The following MACROD2 variants were observed in gnomAD, a reference collection of about 807,000 sequenced individuals.
MACROD2 encodes ADP-ribose glycohydrolase MACROD2.
MACROD2 carries 36 observed loss-of-function variants against 70.4 expected under a neutral mutation model. The ratio of observed to expected loss-of-function variants is 0.51; its 90% CI spans 0.39 to 0.68. The LOEUF (loss-of-function observed/expected upper bound fraction) is 0.68, where lower values mean the gene tolerates loss of function less well. MACROD2 is among the 30% of genes least tolerant of loss of function. The probability of loss-of-function intolerance (pLI) is 0.00; values close to 1 mark genes in which losing one functional copy is unlikely to be tolerated. For synonymous variants in MACROD2, 172 were observed against 178.8 expected (o/e 0.96, Z 0.30); for missense variants, 496 against 538.4 (o/e 0.92, Z 0.78).
chr20:15,499,066 C>T (rs1358942501), intron 7 of MACROD2, among the ~76,000 whole-genome samples: 1 of 152,180 alleles, frequency 6.6e-6, no homozygotes, highest in African/African-American at 2.4e-5. Flanking sequence ...GATGACTCTG[C>T]AGGTCCAGGA....
rs757866577 is a variant in MACROD2, at chr20:14,085,611, T to A, written c.164-10T>A. The stretch of plus-strand genomic sequence containing the variant: ...TATTATTATTGATATATATCCATTT[T>A]CTATTACAGAAGAAAATACTCAGGA... On this transcript the variant is annotated splice_polypyrimidine_tract_variant and intron_variant, in intron 2 of 17. Coordinates refer to ENST00000684519, the MANE Select transcript of MACROD2 (RefSeq NM_001351661.2). 2.6e-5 allele frequency: 38 copies of A among 1,470,300 alleles called. No homozygotes were observed. In the East Asian group the frequency reaches 8.9e-4, roughly 34 times the overall value. 91.1% of individuals were successfully genotyped at this position (1,470,300 alleles called of 1,614,324 possible). A position where few individuals can be genotyped will look rare whatever the true frequency, so the allele number is the denominator to read the frequency against.
At chr20:14,602,004 G>C (rs750068433) in intron 4 of MACROD2, among the ~76,000 whole-genome samples, 1 of 152,140 alleles carries the variant, frequency 6.6e-6, no homozygotes, top group Non-Finnish European at 1.5e-5. Flanking sequence ...GACGCTCAAA[G>C]CTTCTTGAGA....
At chr20:15,217,871 G>C (rs1264374468) in intron 5 of MACROD2, among the ~76,000 whole-genome samples, 1 of 151,744 alleles carries the variant, frequency 6.6e-6, no homozygotes, top group African/African-American at 2.4e-5. Context: ...GGTTTTCTTC[G>C]AGTGCTTTTA....
intron 3 of MACROD2, among the ~76,000 whole-genome samples, chr20:14,227,365 T>C (rs2081749484): frequency 6.6e-6 from 1 of 152,112 alleles, no homozygotes; most frequent in African/African-American, 2.4e-5. Flanking sequence ...GGTACTGTTC[T>C]CTCTTTGGGT....
chr20:15,751,767 T>G (rs1160278761), intron 8 of MACROD2, among the ~76,000 whole-genome samples: 1 of 151,682 alleles, frequency 6.6e-6, no homozygotes, highest in South Asian at 2.1e-4. Flanking sequence ...GATCCAGGAA[T>G]GATATAATGA....
intron 2 of MACROD2, among the ~76,000 whole-genome samples, chr20:14,038,801 T>G (rs2148638270): frequency 6.6e-6 from 1 of 152,292 alleles, no homozygotes; most frequent in African/African-American, 2.4e-5. Flanking sequence ...GAATATAAAT[T>G]TATACCATTA....
intron 9 of MACROD2, among the ~76,000 whole-genome samples, chr20:15,876,333 A>T (rs2147191629): frequency 6.6e-6 from 1 of 151,968 alleles, no homozygotes; most frequent in African/African-American, 2.4e-5. Context: ...CTCATTGTTC[A>T]ATTCCCACCT....
At chr20:14,021,871 G>A (rs2053086929) in intron 2 of MACROD2, among the ~76,000 whole-genome samples, 1 of 152,162 alleles carries the variant, frequency 6.6e-6, no homozygotes, top group Non-Finnish European at 1.5e-5. Flanking sequence ...GTCTTTCAGA[G>A]ACAGAGTTGA....
intron 2 of MACROD2, among the ~76,000 whole-genome samples, chr20:14,081,674 A>G (rs763474053): frequency 2.0e-5 from 3 of 152,346 alleles, no homozygotes; most frequent in South Asian, 4.1e-4. Context: ...AGGCATTGCT[A>G]TGCAAATAAA....
chr20:15,601,986 C>T (rs1397181078), intron 8 of MACROD2, among the ~76,000 whole-genome samples: 6 of 151,946 alleles, frequency 3.9e-5, no homozygotes, highest in Non-Finnish European at 2.9e-5. Context: ...CGAGACTGTG[C>T]CACTGCACTC....
At chr20:15,071,667 T>C (rs1322504739) in intron 5 of MACROD2, among the ~76,000 whole-genome samples, 1 of 152,176 alleles carries the variant, frequency 6.6e-6, no homozygotes, top group Non-Finnish European at 1.5e-5. Context: ...AAGTCTATGT[T>C]TTTAGACATT....
chr20:14,055,807 C>G (rs188281149), intron 2 of MACROD2, among the ~76,000 whole-genome samples: 1 of 151,312 alleles, frequency 6.6e-6, no homozygotes, highest in Admixed American at 6.6e-5. Context: ...TTGTAATTAC[C>G]TGTTTACTTG....
intron 6 of MACROD2, among the ~76,000 whole-genome samples, chr20:15,265,162 T>C (rs1038936937): frequency 3.3e-5 from 5 of 152,186 alleles, no homozygotes; most frequent in African/African-American, 9.7e-5. Flanking sequence ...AAGAAGTGGC[T>C]ATTTGATCAC....
chr20:14,462,434 G>A (rs1447465919), intron 3 of MACROD2, among the ~76,000 whole-genome samples: 9 of 151,974 alleles, frequency 5.9e-5, no homozygotes, highest in Non-Finnish European at 8.8e-5. Flanking sequence ...CTGGATATAA[G>A]CCCTTTGTCA....
At chr20:15,544,687 C>T (rs1236712753) in intron 8 of MACROD2, among the ~76,000 whole-genome samples, 5 of 152,186 alleles carry the variant, frequency 3.3e-5, no homozygotes. Flanking sequence ...GCCAGCCTTC[C>T]TAGTGTAACT....
intron 3 of MACROD2, among the ~76,000 whole-genome samples, chr20:14,410,615 C>T (rs2083739464): frequency 6.6e-6 from 1 of 152,140 alleles, no homozygotes; most frequent in African/African-American, 2.4e-5. Flanking sequence ...TTCTAATAAG[C>T]TTCCAAATGA....
intron 8 of MACROD2, among the ~76,000 whole-genome samples, chr20:15,813,648 A>T (rs1227261685): frequency 6.6e-6 from 1 of 152,114 alleles, no homozygotes; most frequent in African/African-American, 2.4e-5. Context: ...GCATGGTGGC[A>T]CATGCTTGTG....
chr20:14,707,107 T>C (rs1204604230), intron 5 of MACROD2, among the ~76,000 whole-genome samples: 1 of 152,174 alleles, frequency 6.6e-6, no homozygotes. Flanking sequence ...AATTGTTTAC[T>C]CCTCTCTGTT....
At chr20:15,504,555 G>A (rs1033250757) in intron 8 of MACROD2, among the ~76,000 whole-genome samples, 2 of 152,118 alleles carry the variant, frequency 1.3e-5, no homozygotes, top group African/African-American at 4.8e-5. Context: ...CAACACAGAA[G>A]AGAAATACAA....
Sources: gnomAD v4.1 joint callset for allele counts (sites outside exome capture counted in the v4.1 genomes callset) on GRCh38, gnomAD v4.1.1 for gene constraint, MANE v1.5 for transcripts, NCBI Gene and HGNC (gene_info 2026-07-23, HGNC 2026-07-21) for gene names.